The following PTDSS1 variants were observed in gnomAD, a reference collection of about 807,000 sequenced individuals.
PTDSS1 encodes the protein phosphatidylserine synthase 1.
In PTDSS1, 45 loss-of-function variants were observed where a neutral mutation model predicts 70.5. That is an observed-to-expected ratio of 0.64 (90% confidence interval 0.50 to 0.82). PTDSS1 has a LOEUF of 0.82. Among genes scored for constraint, PTDSS1 ranks in the 40% least tolerant of loss-of-function variants. The pLI is 0.00. For missense variants in PTDSS1, 417 were observed against 586.1 expected (o/e 0.71, Z 2.98); for synonymous variants, 188 against 203.8 (o/e 0.92, Z 0.66).
At chr8:96,322,863 A>G (rs1811391582) in intron 10 of PTDSS1, among the ~76,000 whole-genome samples, 1 of 152,130 alleles carries the variant, frequency 6.6e-6, no homozygotes, top group Non-Finnish European at 1.5e-5. Context: ...TATACCTTCC[A>G]GAGTGGTAGC....
chr8:96,329,828 G>C (rs111296042), intron 10 of PTDSS1, among the ~76,000 whole-genome samples: 8 of 152,136 alleles, frequency 5.3e-5, no homozygotes. Flanking sequence ...TCCTCTTAGC[G>C]CTCTCCTGTG....
chr8:96,274,100 G>A (rs1043799617), intron 2 of PTDSS1, among the ~76,000 whole-genome samples: 3 of 149,328 alleles, frequency 2.0e-5, no homozygotes, highest in African/African-American at 4.9e-5. Context: ...CTACTTGTTC[G>A]CCGTAGCCGT....
intron 6 of PTDSS1, among the ~76,000 whole-genome samples, chr8:96,302,526 C>T (rs983155242): frequency 6.6e-6 from 1 of 152,162 alleles, no homozygotes; most frequent in African/African-American, 2.4e-5. Flanking sequence ...CCTAAGGACA[C>T]ACAGCTAGCA....
rs1320664022 is a variant in PTDSS1, at chr8:96,262,830, C to A, written c.179+611C>A. ...ACACAAGTCATCCAGCATAACACTTCCCCCAGCCTCAAACACTACCATCTG... is the reference window on the plus strand; with the variant it reads ...ACACAAGTCATCCAGCATAACACTTACCCCAGCCTCAAACACTACCATCTG... On this transcript the variant is annotated intron_variant, in intron 1 of 12. Transcript: ENST00000517309. This position sits in a 1 kb window ranked among gnomAD's most constrained non-coding sequence, Gnocchi z 4.4. 6.6e-6 allele frequency among the ~76,000 whole-genome samples: 1 copy of A among 152,196 alleles called. No individual in the cohort carries two copies. Among genetic ancestry groups the A allele is most frequent in the Non-Finnish European group, 1.5e-5 (1 of 68,042 alleles).
At chr8:96,269,121 G>A (rs1326998992) in intron 1 of PTDSS1, among the ~76,000 whole-genome samples, 1 of 152,202 alleles carries the variant, frequency 6.6e-6, no homozygotes, top group African/African-American at 2.4e-5. Flanking sequence ...AGCAGAGAGC[G>A]AGGAAGACTT....
At chr8:96,320,097 G>C in intron 9 of PTDSS1, 149 bp from the exon 10 acceptor site, 1 of 662,104 alleles carries the variant, frequency 1.5e-6, no homozygotes, top group South Asian at 1.9e-5. Context: ...GGCTTGAACA[G>C]TGTTATTTTG....
chr8:96,293,495 C>T (rs566841201), intron 4 of PTDSS1, among the ~76,000 whole-genome samples: 4 of 152,244 alleles, frequency 2.6e-5, no homozygotes, highest in Non-Finnish European at 5.9e-5. Context: ...TCAGTTAAAG[C>T]CTGTTCCTCC....
chr8:96,333,595 G>C lies in PTDSS1; in HGVS notation c.*29G>C. The C allele has an allele frequency of 6.4e-7, 1 of 1,573,808 alleles. No homozygotes were observed. Among genetic ancestry groups the C allele is most frequent in the Non-Finnish European group, 8.7e-7 (1 of 1,143,308 alleles). On this transcript the variant is annotated 3_prime_UTR_variant, in exon 13 of 13. Transcript: ENST00000517309. ...ACCCTGGTTAATCAAAGATGTTCCAGAGTGCCTAGAACTGAGAGGGAAATG... is the reference window on the plus strand; with the variant it reads ...ACCCTGGTTAATCAAAGATGTTCCACAGTGCCTAGAACTGAGAGGGAAATG...
At chr8:96,303,329 T>A (rs1340025562) in intron 6 of PTDSS1, among the ~76,000 whole-genome samples, 2 of 152,318 alleles carry the variant, frequency 1.3e-5, no homozygotes, top group East Asian at 3.9e-4. Context: ...TGGTTTCCTA[T>A]CACTCTCCCT....
intron 10 of PTDSS1, among the ~76,000 whole-genome samples, chr8:96,322,019 C>T (rs961550759): frequency 2.0e-5 from 3 of 152,152 alleles, no homozygotes; most frequent in Non-Finnish European, 4.4e-5. Context: ...GTAATAGGAC[C>T]TGACTGCAGG....
In PTDSS1 at chr8:96,330,206, C is replaced by T. The variant is rs762915574; in HGVS notation, c.1174-7C>T. 1 of 1,610,322 alleles carries T rather than the reference C, an allele frequency of 6.2e-7. No individual in the cohort carries two copies. Among genetic ancestry groups the T allele is most frequent in the South Asian group, 1.1e-5 (1 of 90,986 alleles). On this transcript the variant is annotated splice_polypyrimidine_tract_variant and splice_region_variant and intron_variant, in intron 10 of 12. Transcript: ENST00000517309. ...TTTGTGCAGCATCATTTGTTTTTCT[C>T]TTCCAGGCTTTCACCACTTTCCTCT... is the stretch of plus-strand genomic sequence containing the variant.
chr8:96,267,395 G>A (rs543248209), intron 1 of PTDSS1, among the ~76,000 whole-genome samples: 8 of 152,126 alleles, frequency 5.3e-5, no homozygotes, highest in East Asian at 1.9e-4. Flanking sequence ...TTCTCTTTCC[G>A]TTCCCAAGCC....
At chr8:96,283,999 C>T in intron 2 of PTDSS1, 110 bp from the exon 3 acceptor site, 1 of 724,004 alleles carries the variant, frequency 1.4e-6, no homozygotes, top group South Asian at 2.1e-5. Context: ...AAACTTTTAA[C>T]AGTAGAGAGC....
At chr8:96,309,180 G>A (rs1811168916) in intron 8 of PTDSS1, 1 of 154,070 alleles carries the variant, frequency 6.5e-6, no homozygotes, top group African/African-American at 2.6e-5. Context: ...CAATAATCTG[G>A]CTCTTTTTAG....
At chr8:96,263,211 T>G (rs1810436917) in intron 1 of PTDSS1, among the ~76,000 whole-genome samples, 1 of 152,230 alleles carries the variant, frequency 6.6e-6, no homozygotes, top group South Asian at 2.1e-4. Flanking sequence ...ATGTTAACTC[T>G]GGCACTGCGC....
At chr8:96,286,607 G>A (rs569299200) in intron 3 of PTDSS1, among the ~76,000 whole-genome samples, 79 of 152,286 alleles carry the variant, frequency 5.2e-4, no homozygotes, top group Non-Finnish European at 9.6e-4. Context: ...TTTAAGCCCT[G>A]ATGGTCACTT....
intron 10 of PTDSS1, among the ~76,000 whole-genome samples, chr8:96,327,324 T>C (rs1811452100): frequency 6.6e-6 from 1 of 152,088 alleles, no homozygotes. Context: ...GAGCAGGATT[T>C]TGAAGACAGG....
At chr8:96,328,162 G>A (rs1811464990) in intron 10 of PTDSS1, among the ~76,000 whole-genome samples, 1 of 152,168 alleles carries the variant, frequency 6.6e-6, no homozygotes. Context: ...AGCCCCGCGT[G>A]CCTGCCCTCT....
intron 12 of PTDSS1, among the ~76,000 whole-genome samples, chr8:96,332,113 GAGGC>G (rs1811526241): frequency 6.7e-6 from 1 of 149,586 alleles, no homozygotes; most frequent in East Asian, 2.0e-4. Context: ...ATTTATTCAA[GAGGC>G]AGGGCAGTGT....
Sources: allele counts gnomAD v4.1 joint callset (sites outside exome capture counted in the v4.1 genomes callset), GRCh38; gene constraint gnomAD v4.1.1; non-coding constraint Gnocchi (gnomAD v3.1); transcripts MANE v1.5; gene names NCBI Gene and HGNC (gene_info 2026-07-23, HGNC 2026-07-21).